The following ATP8A2 variants were observed in gnomAD, a reference collection of about 807,000 sequenced individuals.
The protein encoded by ATP8A2 is phospholipid-transporting ATPase IB.
ATP8A2 carries 100 observed loss-of-function variants against 165.6 expected under a neutral mutation model. The observed-to-expected ratio is 0.60, with a 90% CI of 0.51 to 0.71. ATP8A2 has a LOEUF of 0.71. Ranked by LOEUF, ATP8A2 falls within the 30% of genes least tolerant of loss-of-function variation. ATP8A2 has a pLI of 0.00. For missense variants in ATP8A2, 1,227 were observed against 1,479.5 expected (o/e 0.83, Z 2.80); for synonymous variants, 543 against 548.8 (o/e 0.99, Z 0.15).
intron 25 of ATP8A2, among the ~76,000 whole-genome samples, chr13:25,712,181 G>T (rs755557483): frequency 6.6e-6 from 1 of 152,170 alleles, no homozygotes; most frequent in African/African-American, 2.4e-5. Context: ...AAGTTACTTT[G>T]CTTCAACCAG....
rs141338146 is a variant in ATP8A2 at position 25,882,341 on chromosome 13, C to T, written c.3183+19933C>T. 5.7e-3 allele frequency among the ~76,000 whole-genome samples: 860 copies of T among 152,188 alleles called. 2 individuals carry two copies. Among genetic ancestry groups the T allele is most frequent in the African/African-American group, 0.02 (828 of 41,506 alleles). On this transcript the variant is annotated intron_variant, in intron 33 of 36. Transcript: ENST00000381655. Reference sequence around the variant, plus strand: ...AAAGATTAAGCTTACTTGACTGCTCCCTCTTCTATTTTTTAAGTCAATACA... The same window carrying T: ...AAAGATTAAGCTTACTTGACTGCTCTCTCTTCTATTTTTTAAGTCAATACA...
chr13:25,697,490 A>G (rs1241005028), intron 24 of ATP8A2, among the ~76,000 whole-genome samples: 3 of 152,270 alleles, frequency 2.0e-5, no homozygotes, highest in East Asian at 1.9e-4. Flanking sequence ...CATGTTGGCC[A>G]GGCTAGTCTT....
At chr13:25,656,156 A>G (rs1320108996) in intron 24 of ATP8A2, among the ~76,000 whole-genome samples, 1 of 152,204 alleles carries the variant, frequency 6.6e-6, no homozygotes, top group Non-Finnish European at 1.5e-5. Context: ...CAGGAACACC[A>G]TGAGGACCAA....
Position 25,581,955 on chromosome 13 carries a change from T to C in ATP8A2, c.2144T>C (p.Ile715Thr). 1 of 1,599,714 alleles carries C rather than the reference T, an allele frequency of 6.3e-7. No individual in the cohort carries two copies. Among genetic ancestry groups the C allele is most frequent in the Non-Finnish European group, 8.5e-7 (1 of 1,175,776 alleles). ...GACAAACAAGAAACTGCGATTAATA[T>C]AGGTAATTATTTTTACAAATAATTT... ...TGDKQETAIN[I>T]GYSCRLVSQN... The change falls in exon 23 of 37, where the codon ATA (isoleucine) becomes ACA (threonine). Residue 715 changes from isoleucine (I) to threonine (T), a missense_variant and splice_region_variant. Around this residue, in one of 5 missense-constraint regions of ATP8A2, gnomAD observed 592 missense variants for 785.6 expected, o/e 0.75. Transcript: ENST00000381655.
At chr13:25,500,388 A>C (rs1309981244) in intron 2 of ATP8A2, among the ~76,000 whole-genome samples, 1 of 152,210 alleles carries the variant, frequency 6.6e-6, no homozygotes, top group African/African-American at 2.4e-5. Flanking sequence ...CATTAAAATA[A>C]CACCTTTAAA....
chr13:25,619,697 A>C (rs1357605293), intron 24 of ATP8A2, among the ~76,000 whole-genome samples: 1 of 152,224 alleles, frequency 6.6e-6, no homozygotes, highest in African/African-American at 2.4e-5. Context: ...TAATACTCTA[A>C]GAAGAATTAG....
At chr13:25,848,016 A>T (rs1222084234) in intron 30 of ATP8A2, among the ~76,000 whole-genome samples, 2 of 152,232 alleles carry the variant, frequency 1.3e-5, no homozygotes, top group Non-Finnish European at 2.9e-5. Flanking sequence ...GTCCTCAGTC[A>T]GCATACCTAC....
At chr13:25,933,460 T>C (rs528151696) in intron 33 of ATP8A2, among the ~76,000 whole-genome samples, 3 of 152,342 alleles carry the variant, frequency 2.0e-5, no homozygotes, top group Admixed American at 2.0e-4. Context: ...TTTCCTCTGT[T>C]AATTCAGTTT....
chr13:25,643,741 T>A (rs73171907), intron 24 of ATP8A2, among the ~76,000 whole-genome samples: 1 of 151,154 alleles, frequency 6.6e-6, no homozygotes, highest in Non-Finnish European at 1.5e-5. Context: ...GGTTTTGTTT[T>A]GTTTTTTTTT....
chr13:25,544,918 T>G (rs76735245), intron 10 of ATP8A2, among the ~76,000 whole-genome samples: 5,770 of 151,232 alleles, frequency 0.038, 141 homozygotes, highest in Non-Finnish European at 0.051. Flanking sequence ...GAGTTTTTTT[T>G]TTTTTTTTTT....
intron 35 of ATP8A2, among the ~76,000 whole-genome samples, chr13:25,995,200 G>A (rs1956471175): frequency 6.6e-6 from 1 of 151,178 alleles, no homozygotes; most frequent in South Asian, 2.1e-4. Context: ...TTGGTAATGT[G>A]TGTCTTCTCT....
chr13:26,012,873 C>G (rs892591863), intron 36 of ATP8A2, among the ~76,000 whole-genome samples: 1 of 152,142 alleles, frequency 6.6e-6, no homozygotes, highest in East Asian at 1.9e-4. Flanking sequence ...ATGATCCTTC[C>G]GTCAGCCTCC....
At chr13:25,558,825 T>C (rs1038157500) in intron 13 of ATP8A2, 148 bp from the exon 14 acceptor site, 1 of 549,032 alleles carries the variant, frequency 1.8e-6, no homozygotes, top group Non-Finnish European at 3.2e-6. Context: ...ATTAAAATAT[T>C]AATATATTTT....
intron 27 of ATP8A2, among the ~76,000 whole-genome samples, chr13:25,801,581 T>C (rs1309304229): frequency 1.3e-5 from 2 of 152,126 alleles, no homozygotes; most frequent in Non-Finnish European, 2.9e-5. Flanking sequence ...TCCTTCTCCT[T>C]CTTCTTCTTG....
intron 2 of ATP8A2, among the ~76,000 whole-genome samples, chr13:25,499,486 A>G (rs528778726): frequency 6.6e-6 from 1 of 152,172 alleles, no homozygotes; most frequent in South Asian, 2.1e-4. Context: ...TAGCTATGTG[A>G]GCCTGGGCCA....
At chr13:25,900,957 A>T (rs1953725801) in intron 33 of ATP8A2, among the ~76,000 whole-genome samples, 1 of 152,226 alleles carries the variant, frequency 6.6e-6, no homozygotes, top group Non-Finnish European at 1.5e-5. Flanking sequence ...TGGAGTTTGG[A>T]TCAAGATGGA....
intron 24 of ATP8A2, among the ~76,000 whole-genome samples, chr13:25,696,100 G>A (rs2042828726): frequency 1.3e-5 from 2 of 152,188 alleles, no homozygotes; most frequent in Non-Finnish European, 1.5e-5. Flanking sequence ...ATTCATCAAC[G>A]ATGTCTCTAT....
intron 24 of ATP8A2, among the ~76,000 whole-genome samples, chr13:25,682,643 C>T (rs79265262): frequency 3.3e-5 from 5 of 152,244 alleles, no homozygotes; most frequent in South Asian, 2.1e-4. Context: ...AGTTACAGCC[C>T]GAAGAATGTT....
chr13:25,462,768 C>T (rs2035537831), intron 1 of ATP8A2, among the ~76,000 whole-genome samples: 1 of 151,572 alleles, frequency 6.6e-6, no homozygotes, highest in South Asian at 2.1e-4. Context: ...CATCTAGCAA[C>T]CCACCATGAG....
Sources: allele counts gnomAD v4.1 joint callset (sites outside exome capture counted in the v4.1 genomes callset), GRCh38; gene constraint gnomAD v4.1.1; regional missense constraint gnomAD v4.1.1; transcripts MANE v1.5; gene names NCBI Gene and HGNC (gene_info 2026-07-23, HGNC 2026-07-21).